SORCS1: variants seen among roughly 807,000 people sequenced by gnomAD.
The protein encoded by SORCS1 is sortilin related VPS10 domain containing receptor 1.
In SORCS1, 60 loss-of-function variants were observed where a neutral mutation model predicts 146.1. That is an observed-to-expected ratio of 0.41 (90% confidence interval 0.33 to 0.51). The LOEUF (loss-of-function observed/expected upper bound fraction) is 0.51, where lower values mean the gene tolerates loss of function less well. Ranked by LOEUF, SORCS1 falls within the 20% of genes least tolerant of loss-of-function variation. The pLI, the probability that SORCS1 is intolerant of heterozygous loss-of-function variation, is 0.21. For synonymous variants in SORCS1, 637 were observed against 584.0 expected (o/e 1.09, Z -1.31); for missense variants, 1,352 against 1,487.6 (o/e 0.91, Z 1.50).
intron 2 of SORCS1, among the ~76,000 whole-genome samples, chr10:106,913,921 AG>A (rs946800684): frequency 3.3e-5 from 5 of 152,174 alleles, no homozygotes; most frequent in Non-Finnish European, 5.9e-5. Context: ...CACAGAGAAA[AG>A]AAAATACAAG....
At chr10:106,622,771 G>A (rs527592913) in intron 19 of SORCS1, among the ~76,000 whole-genome samples, 23 of 152,214 alleles carry the variant, frequency 1.5e-4, no homozygotes, top group Admixed American at 7.8e-4. Flanking sequence ...TATCCTCCCC[G>A]TTTAGAGATG....
At chr10:106,934,230 A>C (rs1290551588) in intron 2 of SORCS1, among the ~76,000 whole-genome samples, 1 of 151,996 alleles carries the variant, frequency 6.6e-6, no homozygotes, top group African/African-American at 2.4e-5. Flanking sequence ...TCTTGGGAAA[A>C]CAGTATGGAG....
chr10:107,151,694 A>G (rs1968812810), intron 1 of SORCS1, among the ~76,000 whole-genome samples: 1 of 152,164 alleles, frequency 6.6e-6, no homozygotes, highest in Non-Finnish European at 1.5e-5. Context: ...GACACAGCCA[A>G]ACCATATCAT....
chr10:106,992,663 T>TA (rs1220639253), intron 1 of SORCS1, among the ~76,000 whole-genome samples: 54 of 144,600 alleles, frequency 3.7e-4, no homozygotes, highest in East Asian at 3.0e-3. Flanking sequence ...CCTGGCTAAT[T>TA]AAAAAAAAAA....
At chr10:106,672,768 G>A (rs1220304855) in intron 15 of SORCS1, 100 bp downstream of exon 15, 6 of 873,886 alleles carry the variant, frequency 6.9e-6, no homozygotes, top group Non-Finnish European at 1.1e-5. Flanking sequence ...TGGACATTTT[G>A]GCCTAGAGCA....
intron 3 of SORCS1, among the ~76,000 whole-genome samples, chr10:106,790,824 A>T (rs12242661): frequency 0.24 from 35,805 of 152,128 alleles, 4,578 homozygotes; most frequent in Non-Finnish European, 0.29. Flanking sequence ...TGTGTCAAAG[A>T]TACAATAATT....
At chr10:107,047,338 A>AT (rs1359088448) in intron 1 of SORCS1, among the ~76,000 whole-genome samples, 21 of 152,312 alleles carry the variant, frequency 1.4e-4, no homozygotes, top group African/African-American at 4.3e-4. Flanking sequence ...AGAACAAGTC[A>AT]TTAAAAACAA....
intron 22 of SORCS1, among the ~76,000 whole-genome samples, chr10:106,611,164 C>T (rs957526500): frequency 9.2e-5 from 14 of 152,014 alleles, no homozygotes; most frequent in Non-Finnish European, 1.3e-4. Context: ...GACATTTGCT[C>T]AGGGAAGGAT....
intron 1 of SORCS1, among the ~76,000 whole-genome samples, chr10:107,118,318 T>G (rs903320131): frequency 6.6e-6 from 1 of 152,200 alleles, no homozygotes; most frequent in African/African-American, 2.4e-5. Context: ...AATAAATTTC[T>G]GTTGTTTATA....
chr10:107,083,519 A>G (rs970519530), intron 1 of SORCS1, among the ~76,000 whole-genome samples: 4 of 152,238 alleles, frequency 2.6e-5, no homozygotes, highest in Admixed American at 1.3e-4. Flanking sequence ...CACTTAGAAG[A>G]TAAGACTGTC....
chr10:106,682,488 C>A (rs148361824), intron 10 of SORCS1, among the ~76,000 whole-genome samples: 25 of 152,268 alleles, frequency 1.6e-4, no homozygotes, highest in African/African-American at 3.9e-4. Context: ...TTCATCTTCA[C>A]TTTTTTAACT....
Position 106,618,139 on chromosome 10 carries a change from G to A in SORCS1, c.2920+10C>T, listed in dbSNP as rs200565549. On this transcript the variant is annotated intron_variant, in intron 21 of 25. Transcript: ENST00000263054. ...AAGACAGCAGTAGATCCACTGAGAT[G>A]GGCACTCACCATATACTGCGATGGT... is the stretch of plus-strand genomic sequence containing the variant. 896 of 1,613,744 alleles carry A rather than the reference G, an allele frequency of 5.6e-4. No homozygotes were observed. Among genetic ancestry groups the A allele is most frequent in the Admixed American group, 9.3e-4 (56 of 59,988 alleles).
chr10:107,111,153 C>T (rs1450324179), intron 1 of SORCS1, among the ~76,000 whole-genome samples: 1 of 151,948 alleles, frequency 6.6e-6, no homozygotes, highest in East Asian at 1.9e-4. Flanking sequence ...TGCAAGGCTA[C>T]AGCGATAACA....
At chr10:106,629,936 C>CG (rs566337977) in intron 18 of SORCS1, among the ~76,000 whole-genome samples, 116 of 151,984 alleles carry the variant, frequency 7.6e-4, no homozygotes, top group Non-Finnish European at 1.0e-3. Context: ...CCCAGCTACT[C>CG]GGGGGGGCTG....
At chr10:107,101,923 T>C (rs567805367) in intron 1 of SORCS1, among the ~76,000 whole-genome samples, 1 of 152,316 alleles carries the variant, frequency 6.6e-6, no homozygotes, top group African/African-American at 2.4e-5. Flanking sequence ...ACATGTAACC[T>C]ACATGGCCCA....
intron 1 of SORCS1, among the ~76,000 whole-genome samples, chr10:107,008,243 C>A (rs2139700253): frequency 6.6e-6 from 1 of 152,206 alleles, no homozygotes; most frequent in South Asian, 2.1e-4. Context: ...AGTACAATTT[C>A]ATTGGTTTCC....
rs3982430 is a variant in SORCS1 at position 106,878,620 on chromosome 10, G to GTATATATATA, written c.627-48957_627-48948dup. Among the ~76,000 whole-genome samples, 536 of 84,882 alleles carry GTATATATATA rather than the reference G, an allele frequency of 6.3e-3. 16 individuals are homozygous for GTATATATATA. Among genetic ancestry groups the GTATATATATA allele is most frequent in the African/African-American group, 0.023 (506 of 21,750 alleles). The allele number at this position is 84,882 out of a possible 152,430, so 55.7% of individuals were successfully genotyped here. A position where few individuals can be genotyped will look rare whatever the true frequency, so the allele number is the denominator to read the frequency against. Reference sequence around the variant, plus strand: ...AAATTTGTTTTTTATAAACTACCTAGTATATATATATATATATATATATAT... The same window carrying GTATATATATA: ...AAATTTGTTTTTTATAAACTACCTAGTATATATATATATATATATATATATATATATATAT... On this transcript the variant is annotated intron_variant, in intron 2 of 25. Coordinates refer to ENST00000263054, the MANE Select transcript of SORCS1 (RefSeq NM_052918.5).
intron 6 of SORCS1, among the ~76,000 whole-genome samples, chr10:106,728,512 C>T (rs1246572032): frequency 6.6e-6 from 1 of 152,168 alleles, no homozygotes; most frequent in African/African-American, 2.4e-5. Context: ...GGATGATGGT[C>T]AGCCTTGATC....
intron 3 of SORCS1, among the ~76,000 whole-genome samples, chr10:106,824,588 C>CAAA (rs397846847): frequency 2.8e-5 from 2 of 71,160 alleles, no homozygotes; most frequent in East Asian, 3.5e-4. Context: ...GACTTCATCT[C>CAAA]AAAAAAAAAA....
Sources: gnomAD v4.1 joint callset for allele counts (sites outside exome capture counted in the v4.1 genomes callset) on GRCh38, gnomAD v4.1.1 for gene constraint, MANE v1.5 for transcripts, NCBI Gene and HGNC (gene_info 2026-07-23, HGNC 2026-07-21) for gene names.